Variants in TADA2A observed in about 807,000 individuals in gnomAD.
The protein encoded by TADA2A is transcriptional adapter 2-alpha.
A neutral mutation model predicts 67.4 loss-of-function variants in TADA2A; 38 were observed. That is an observed-to-expected ratio of 0.56 (90% CI 0.44 to 0.74). The LOEUF (loss-of-function observed/expected upper bound fraction) is 0.74. Among genes scored for constraint, TADA2A ranks in the 30% least tolerant of loss-of-function variants. TADA2A has a pLI of 0.00. For synonymous variants in TADA2A, 192 were observed against 181.6 expected, an observed-to-expected ratio of 1.06 and a Z score of -0.46; for missense variants, 454 against 547.0, an observed-to-expected ratio of 0.83 and a Z score of 1.70.
At chr17:37,411,168 A>G in intron 1 of TADA2A, 101 bp from the exon 2 acceptor site, 1 of 600,982 alleles carries the variant, frequency 1.7e-6, no homozygotes, top group Admixed American at 2.9e-5. Context: ...TCAACATTAC[A>G]AAGCTAAGAT....
chr17:37,428,600 G>A (rs772139074), intron 4 of TADA2A, among the ~76,000 whole-genome samples: 7 of 152,036 alleles, frequency 4.6e-5, no homozygotes, highest in Non-Finnish European at 8.8e-5. Flanking sequence ...CTTCTACTTT[G>A]AGACAGGGTC....
chr17:37,422,206 T>C (rs1180148033), intron 2 of TADA2A, among the ~76,000 whole-genome samples: 1 of 144,840 alleles, frequency 6.9e-6, no homozygotes, highest in Non-Finnish European at 1.5e-5. Flanking sequence ...CCACCACACC[T>C]GGCTAATTTT....
At chr17:37,459,632 A>G (rs749870021) in intron 9 of TADA2A, among the ~76,000 whole-genome samples, 2 of 148,522 alleles carry the variant, frequency 1.3e-5, no homozygotes, top group Non-Finnish European at 3.0e-5. Flanking sequence ...TTACTCTGTC[A>G]CCCAGGCTGG....
intron 8 of TADA2A, among the ~76,000 whole-genome samples, chr17:37,453,428 A>G (rs992573154): frequency 6.6e-6 from 1 of 152,164 alleles, no homozygotes; most frequent in African/African-American, 2.4e-5. Context: ...TACTTCCAGC[A>G]GAAGTGTGGC....
intron 11 of TADA2A, among the ~76,000 whole-genome samples, chr17:37,466,930 G>A (rs853209): frequency 1.3e-5 from 2 of 152,184 alleles, no homozygotes; most frequent in Non-Finnish European, 2.9e-5. Context: ...GCCGAGGCGG[G>A]TGGATCACCT....
At position 37,432,258 on chromosome 17, in the gene TADA2A, G is replaced by T. The variant is rs576924522; in HGVS notation, c.192+5249G>T. On this transcript the variant is annotated intron_variant, in intron 4 of 15. Transcript: ENST00000615182. ...CGGCTCACTGCAACCTCCGCCTCCCGGGTTCAAGCAGTTCTCCTGCCTCAG... is the reference window on the plus strand; with the variant it reads ...CGGCTCACTGCAACCTCCGCCTCCCTGGTTCAAGCAGTTCTCCTGCCTCAG... Among the ~76,000 whole-genome samples, 4 of 151,902 alleles carry T rather than the reference G, an allele frequency of 2.6e-5. No individual in the cohort carries two copies. In the East Asian group the frequency reaches 5.8e-4, roughly 22 times the overall value.
intron 14 of TADA2A, among the ~76,000 whole-genome samples, chr17:37,472,169 G>A (rs543197839): frequency 6.6e-6 from 1 of 151,924 alleles, no homozygotes; most frequent in Admixed American, 6.6e-5. Context: ...GGATTCAAGC[G>A]ATTCTCCTGC....
intron 12 of TADA2A, among the ~76,000 whole-genome samples, chr17:37,468,096 G>C (rs1344259264): frequency 6.6e-6 from 1 of 151,158 alleles, no homozygotes; most frequent in East Asian, 1.9e-4. Flanking sequence ...AAAAAAAAAA[G>C]GAATTTTATA....
At position 37,440,516 on chromosome 17, in the gene TADA2A, C is replaced by G. The variant is rs780489911; in HGVS notation, c.296C>G (p.Ala99Gly). ...DCGFGNWQDV[A>G]NQMCTKTKEE... ...CCACAATCCTCTAGGCAGGATGTAGCCAATCAAATGTGCACCAAGACCAAG... is the reference window on the plus strand; with the variant it reads ...CCACAATCCTCTAGGCAGGATGTAGGCAATCAAATGTGCACCAAGACCAAG... Residue 99 changes from alanine (A) to glycine (G), a missense_variant, in exon 6 of 16, where the codon GCC becomes GGC. By Grantham distance (60) the Ala-to-Gly change is moderately conservative (BLOSUM62 0). Transcript: ENST00000615182. 6.2e-7 allele frequency: 1 copy of G among 1,614,038 alleles called. No homozygotes were observed. Among genetic ancestry groups the G allele is most frequent in the South Asian group, 1.1e-5 (1 of 91,068 alleles).
intron 6 of TADA2A, among the ~76,000 whole-genome samples, chr17:37,441,111 AAAG>A (rs1439945076): frequency 6.6e-6 from 1 of 152,102 alleles, no homozygotes; most frequent in African/African-American, 2.4e-5. Flanking sequence ...AAAAAAAAAA[AAAG>A]AGTCAGGATT....
rs1239694990 is a variant in TADA2A, at chr17:37,440,485, T to G, written c.285-20T>G. ...TGTAAATACAAGTACCACTTCTCTCTTTTTCCCACAATCCTCTAGGCAGGA... is the reference window on the plus strand; with the variant it reads ...TGTAAATACAAGTACCACTTCTCTCGTTTTCCCACAATCCTCTAGGCAGGA... On this transcript the variant is annotated intron_variant, in intron 5 of 15. Transcript: ENST00000615182. The G allele has an allele frequency of 1.2e-6, 2 of 1,611,800 alleles. No individual in the cohort carries two copies. The highest frequency in any genetic ancestry group is 2.7e-5 in the African/African-American group (2 of 74,956).
chr17:37,408,073 G>C (rs2051685804), intron 1 of TADA2A: 1 of 151,704 alleles, frequency 6.6e-6, no homozygotes, highest in Non-Finnish European at 1.5e-5. Flanking sequence ...TTTTAGTAGA[G>C]ATGGGGTTTC....
intron 5 of TADA2A, among the ~76,000 whole-genome samples, chr17:37,439,040 G>A (rs764172476): frequency 6.6e-6 from 1 of 152,138 alleles, no homozygotes; most frequent in Non-Finnish European, 1.5e-5. Context: ...CAAGTGAAAT[G>A]CTGTGAAAAA....
intron 8 of TADA2A, among the ~76,000 whole-genome samples, chr17:37,453,761 T>G (rs1381776974): frequency 3.3e-5 from 1 of 30,496 alleles, no homozygotes; most frequent in South Asian, 1.1e-3. Flanking sequence ...AATAACTGAT[T>G]TTTTTTTTTT....
At chr17:37,423,712 G>T (rs7501983) in intron 3 of TADA2A, 97 bp downstream of exon 3, 4 of 871,086 alleles carry the variant, frequency 4.6e-6, no homozygotes, top group South Asian at 1.8e-5. Flanking sequence ...GGAGATCTAT[G>T]TCTTATTAAA....
chr17:37,413,780 C>T (rs572532546), intron 2 of TADA2A, among the ~76,000 whole-genome samples: 2 of 152,014 alleles, frequency 1.3e-5, no homozygotes, highest in East Asian at 3.9e-4. Flanking sequence ...AGTGCTCTCT[C>T]CACATTTACT....
At chr17:37,431,433 G>A (rs958361616) in intron 4 of TADA2A, among the ~76,000 whole-genome samples, 5 of 152,080 alleles carry the variant, frequency 3.3e-5, no homozygotes, top group Admixed American at 6.6e-5. Context: ...TTCATAGTAC[G>A]TGCTCAGATG....
chr17:37,477,155 T>A lies in TADA2A; in HGVS notation c.*173T>A. 1.6e-6 allele frequency: 1 copy of A among 629,698 alleles called. No individual in the cohort carries two copies. Among genetic ancestry groups the A allele is most frequent in the Non-Finnish European group, 2.6e-6 (1 of 379,444 alleles). 39.0% of individuals were successfully genotyped at this position (629,698 alleles called of 1,614,324 possible). ...GTCTACTTTCTTCTCCATCCTGCTT[T>A]AAAACACTCCTGTTGTTGGTATTAT... On this transcript the variant is annotated 3_prime_UTR_variant, in exon 16 of 16. Transcript: ENST00000615182.
chr17:37,460,525 A>G lies in TADA2A; in HGVS notation c.669-1553A>G, dbSNP rs138271498. ...CTCCCAAAGTGCTGGGATTACAGGC[A>G]TGAGCCACTGCCCCCAGCCCTATTG... On this transcript the variant is annotated intron_variant, in intron 9 of 15. Coordinates refer to ENST00000615182, the MANE Select transcript of TADA2A (RefSeq NM_001166105.3). 6.9e-3 allele frequency among the ~76,000 whole-genome samples: 1,053 copies of G among 152,258 alleles called. 4 individuals are homozygous for G. Among genetic ancestry groups the G allele is most frequent in the African/African-American group, 0.024 (983 of 41,554 alleles).
Sources: allele counts gnomAD v4.1 joint callset (sites outside exome capture counted in the v4.1 genomes callset), GRCh38; gene constraint gnomAD v4.1.1; transcripts MANE v1.5; gene names NCBI Gene and HGNC (gene_info 2026-07-23, HGNC 2026-07-21).